USP25: variants seen among roughly 807,000 people sequenced by gnomAD.
USP25 encodes ubiquitin specific peptidase 25.
Under a neutral mutation model 158.5 loss-of-function variants are expected in USP25, and 85 were observed. The observed-to-expected ratio is 0.54, with a 90% CI of 0.45 to 0.64. The LOEUF is 0.64. Among genes scored for constraint, USP25 ranks in the 30% least tolerant of loss-of-function variants. USP25 has a pLI of 0.00. For synonymous variants in USP25, 464 were observed against 460.4 expected (o/e 1.01, Z -0.10); for missense variants, 1,242 against 1,327.3 (o/e 0.94, Z 1.00).
Position 15,864,280 on chromosome 21 carries a change from G to C in USP25, c.2560G>C (p.Glu854Gln), listed in dbSNP as rs761595689. Reference sequence around the variant, plus strand: ...TTGCATTTTCCAGGCAATTAAGTTGGAATATGCAAGGTTGGTTAAGTTGGC... The same window carrying C: ...TTGCATTTTCCAGGCAATTAAGTTGCAATATGCAAGGTTGGTTAAGTTGGC... ...EAGFFKAIKL[E>Q]YARLVKLAQE... Residue 854 changes from glutamate (E) to glutamine (Q), a missense_variant, in exon 21 of 26, where the codon GAA becomes CAA. Physicochemically the swap from Glu to Gln is conservative, Grantham distance 29 (BLOSUM62 2). Transcript: ENST00000400183. The C allele has an allele frequency of 6.3e-7, 1 of 1,596,748 alleles. No individual in the cohort carries two copies. The highest frequency in any genetic ancestry group is 8.5e-7 in the Non-Finnish European group (1 of 1,175,394).
chr21:15,864,329 C>T lies in USP25; in HGVS notation c.2609C>T (p.Thr870Ile). The T allele has an allele frequency of 1.2e-6, 2 of 1,612,834 alleles. No individual in the cohort carries two copies. ...KLAQEDTPPE[T>I]DYRLHHVVVY... ...GCCCAAGAAGACACCCCACCAGAAA[C>T]CGATTATCGTTTACATCATGTAGTG... is the stretch of plus-strand genomic sequence containing the variant. The change falls in exon 21 of 26, where the codon ACC becomes ATC. Residue 870 changes from threonine (T) to isoleucine (I), a missense_variant. By Grantham distance (89) the Thr-to-Ile change is moderately conservative. Transcript: ENST00000400183.
At chr21:15,742,279 G>A (rs1296507611) in intron 1 of USP25, among the ~76,000 whole-genome samples, 1 of 152,138 alleles carries the variant, frequency 6.6e-6, no homozygotes, top group East Asian at 1.9e-4. Flanking sequence ...TGTTTGCAGA[G>A]CTGGGAGCTA....
chr21:15,778,126 G>C (rs2046526126), intron 4 of USP25, 99 bp downstream of exon 4: 1 of 1,158,728 alleles, frequency 8.6e-7, no homozygotes, highest in African/African-American at 1.6e-5. Flanking sequence ...GATATACTTT[G>C]TTACTCTAAA....
At chr21:15,783,927 G>A (rs1437168471) in intron 4 of USP25, among the ~76,000 whole-genome samples, 1 of 151,974 alleles carries the variant, frequency 6.6e-6, no homozygotes, top group Non-Finnish European at 1.5e-5. Flanking sequence ...CCGAGATCGC[G>A]CCACTGCACT....
intron 6 of USP25, 123 bp from the exon 7 acceptor site, chr21:15,804,998 A>G: frequency 9.8e-7 from 1 of 1,025,540 alleles, no homozygotes; most frequent in South Asian, 2.0e-5. Flanking sequence ...TAGAGTGCTA[A>G]TTCATCCCTA....
At chr21:15,794,858 A>C (rs1303390812) in intron 5 of USP25, among the ~76,000 whole-genome samples, 1 of 151,580 alleles carries the variant, frequency 6.6e-6, no homozygotes, top group Non-Finnish European at 1.5e-5. Context: ...CCATCAAGTA[A>C]TTATTGCATG....
intron 10 of USP25, among the ~76,000 whole-genome samples, chr21:15,823,610 A>AT (rs914594467): frequency 9.2e-5 from 14 of 151,554 alleles, no homozygotes; most frequent in African/African-American, 2.2e-4. Context: ...TATGATATAA[A>AT]TTTTTTTTTG....
Position 15,833,508 on chromosome 21 carries a change from G to T in USP25, c.2154G>T (p.Ala718=), listed in dbSNP as rs61750209. The T allele has an allele frequency of 3.7e-6, 6 of 1,613,926 alleles. No homozygotes were observed. The highest frequency in any genetic ancestry group is 4.2e-6 in the Non-Finnish European group (5 of 1,179,970). Residue 718 remains alanine, a synonymous_variant, in exon 17 of 26, where the codon GCG becomes GCT. Coordinates refer to ENST00000400183, the MANE Select transcript of USP25 (RefSeq NM_001283041.3). ...AQKALQEKLL[A]SQKLRESETS... ...AAGCTTTGCAGGAAAAGCTTTTAGC[G>T]TCTCAGAAATTGAGAGAGTCAGAGA...
chr21:15,851,569 G>T (rs906347399), intron 20 of USP25, among the ~76,000 whole-genome samples: 4 of 151,800 alleles, frequency 2.6e-5, no homozygotes, highest in Middle Eastern at 3.2e-3. Context: ...TTCTGCATTT[G>T]TAATATTATT....
chr21:15,875,449 A>G lies in USP25; in HGVS notation c.3009+923A>G, dbSNP rs939752827. ...CCTTTCAGATTTTTTCACGTTGTAT[A>G]TTTACAAAGTGTCAGGTTCTGAGGG... On this transcript the variant is annotated intron_variant, in intron 24 of 25. Coordinates refer to ENST00000400183, the MANE Select transcript of USP25 (RefSeq NM_001283041.3). The surrounding 1 kb of genome is among the most constrained non-coding windows in gnomAD (Gnocchi z 4.7). 9.2e-5 allele frequency among the ~76,000 whole-genome samples: 14 copies of G among 152,126 alleles called. No homozygotes were observed. Among genetic ancestry groups the G allele is most frequent in the African/African-American group, 2.7e-4 (11 of 41,430 alleles).
At chr21:15,822,317 C>T (rs2037276631) in intron 10 of USP25, among the ~76,000 whole-genome samples, 1 of 151,936 alleles carries the variant, frequency 6.6e-6, no homozygotes, top group Admixed American at 6.6e-5. Context: ...AATCCTTCCA[C>T]TCTTGTAGTA....
chr21:15,799,887 T>C, intron 6 of USP25, 44 bp downstream of exon 6: 2 of 1,351,068 alleles, frequency 1.5e-6, no homozygotes, highest in African/African-American at 3.0e-5. Context: ...ATACTCTATA[T>C]GTTCTCTTAT....
At chr21:15,773,678 T>A (rs1356359389) in intron 3 of USP25, among the ~76,000 whole-genome samples, 1 of 152,172 alleles carries the variant, frequency 6.6e-6, no homozygotes, top group Non-Finnish European at 1.5e-5. Flanking sequence ...TTATTTTTGC[T>A]CTCAGGACCC....
intron 8 of USP25, among the ~76,000 whole-genome samples, chr21:15,810,461 C>T (rs59312080): frequency 4.5e-4 from 68 of 152,188 alleles, no homozygotes; most frequent in African/African-American, 1.6e-3. Context: ...CTTTTTAGGT[C>T]ACACAAACCA....
At chr21:15,761,338 G>C (rs148134194) in intron 1 of USP25, among the ~76,000 whole-genome samples, 20 of 152,314 alleles carry the variant, frequency 1.3e-4, no homozygotes, top group African/African-American at 3.8e-4. Context: ...AGGAATGTCA[G>C]GCAACCATTA....
chr21:15,820,382 T>A (rs2037172532), intron 10 of USP25, among the ~76,000 whole-genome samples: 1 of 152,022 alleles, frequency 6.6e-6, no homozygotes, highest in Non-Finnish European at 1.5e-5. Flanking sequence ...TTGTCCTCCA[T>A]CTTTTTATTG....
intron 1 of USP25, among the ~76,000 whole-genome samples, chr21:15,756,215 A>C (rs935771383): frequency 5.3e-5 from 8 of 152,196 alleles, no homozygotes; most frequent in African/African-American, 1.7e-4. Context: ...GGAATTATCC[A>C]AGACAATTTC....
intron 24 of USP25, chr21:15,877,192 T>G (rs1404216576): frequency 6.6e-6 from 1 of 152,264 alleles, no homozygotes; most frequent in Non-Finnish European, 1.5e-5. Flanking sequence ...CGTCTGGCCC[T>G]TCACAGAAAA....
chr21:15,754,388 C>T (rs2123340072), intron 1 of USP25, among the ~76,000 whole-genome samples: 1 of 152,252 alleles, frequency 6.6e-6, no homozygotes. Flanking sequence ...TATGTATGTA[C>T]CAGGAGTACA....
Sources: allele counts gnomAD v4.1 joint callset (sites outside exome capture counted in the v4.1 genomes callset), GRCh38; gene constraint gnomAD v4.1.1; non-coding constraint Gnocchi (gnomAD v3.1); transcripts MANE v1.5; gene names NCBI Gene and HGNC (gene_info 2026-07-23, HGNC 2026-07-21).